ZNF638: variants seen among roughly 807,000 people sequenced by gnomAD.
ZNF638 encodes CTCL tumor antigen se33-1.
Under a neutral mutation model 195.6 loss-of-function variants are expected in ZNF638, and 46 were observed. The ratio of observed to expected loss-of-function variants is 0.24; its 90% CI spans 0.19 to 0.30. The LOEUF is 0.30. Ranked by LOEUF, ZNF638 falls within the 10% of genes least tolerant of loss-of-function variation. ZNF638 has a pLI of 1.00. For missense variants in ZNF638, 2,440 were observed against 2,325.3 expected (o/e 1.05, Z -1.01); for synonymous variants, 845 against 772.0 (o/e 1.09, Z -1.57).
At chr2:71,428,395 T>A (rs2080583112) in intron 24 of ZNF638, 152 bp from the exon 25 acceptor site, 1 of 513,940 alleles carries the variant, frequency 1.9e-6, no homozygotes, top group Admixed American at 3.5e-5. Context: ...AAAATAGAAT[T>A]CTTCTATTTT....
At chr2:71,406,771 G>A (rs757217894) in intron 19 of ZNF638, among the ~76,000 whole-genome samples, 1 of 151,998 alleles carries the variant, frequency 6.6e-6, no homozygotes. Flanking sequence ...AGGCTGAGGC[G>A]AGGGGATTGC....
Position 71,357,863 on chromosome 2 carries a change from T to C in ZNF638, c.1379+2083T>C, listed in dbSNP as rs114831182. 5.6e-3 allele frequency among the ~76,000 whole-genome samples: 855 copies of C among 151,420 alleles called. 6 individuals are homozygous for C. The highest frequency in any genetic ancestry group is 0.02 in the African/African-American group (812 of 41,178). On this transcript the variant is annotated intron_variant, in intron 3 of 27. Transcript: ENST00000264447. ...TCGATTTATTGTACTTCCCATAATT[T>C]GCCTTTTTTACAAATTGAAAGATTG...
chr2:71,365,088 A>G (rs1376971550), intron 5 of ZNF638, among the ~76,000 whole-genome samples: 1 of 152,240 alleles, frequency 6.6e-6, no homozygotes, highest in African/African-American at 2.4e-5. Flanking sequence ...CATTACTTTC[A>G]GTGGCAAAAA....
At chr2:71,379,711 G>T (rs368681951) in intron 8 of ZNF638, 2 of 152,142 alleles carry the variant, frequency 1.3e-5, no homozygotes, top group Admixed American at 1.3e-4. Context: ...CCGTATTCAC[G>T]TAAGTTTTAT....
Position 71,423,987 on chromosome 2 carries a change from G to A in ZNF638, c.4473G>A (p.Gln1491=), listed in dbSNP as rs1207604780. 3 of 1,614,050 alleles carry A rather than the reference G, an allele frequency of 1.9e-6. No individual in the cohort carries two copies. The highest frequency in any genetic ancestry group is 2.2e-5 in the South Asian group (2 of 91,074). The change falls in exon 22 of 28, where the codon CAG becomes CAA. Residue 1491 remains glutamine, a synonymous_variant. Transcript: ENST00000264447. ...LDYRDITKQS[Q]ETEARPSIMK... ...ACAGAGATATAACAAAACAATCTCAGGAAACAGAGGCTAGACCTTCCATCA... is the reference window on the plus strand; with the variant it reads ...ACAGAGATATAACAAAACAATCTCAAGAAACAGAGGCTAGACCTTCCATCA...
intron 10 of ZNF638, among the ~76,000 whole-genome samples, chr2:71,384,509 G>A (rs2079598351): frequency 6.6e-6 from 1 of 152,084 alleles, no homozygotes; most frequent in African/African-American, 2.4e-5. Flanking sequence ...CTTTATTTAT[G>A]CTGTCTATTT....
chr2:71,395,561 C>A, intron 10 of ZNF638: 1 of 601,964 alleles, frequency 1.7e-6, no homozygotes, highest in South Asian at 1.8e-5. Flanking sequence ...TTTTGCAGAC[C>A]TTTGATCATC....
chr2:71,396,648 T>G (rs1393000183), intron 11 of ZNF638, among the ~76,000 whole-genome samples: 5 of 152,160 alleles, frequency 3.3e-5, no homozygotes, highest in African/African-American at 1.2e-4. Context: ...AATCAATGTA[T>G]TAAATTATCT....
intron 8 of ZNF638, 34 bp downstream of exon 8, chr2:71,370,039 C>G (rs765127418): frequency 1.3e-6 from 2 of 1,578,598 alleles, no homozygotes; most frequent in Admixed American, 2.1e-5. Flanking sequence ...TGTTTTATCA[C>G]TGTTGTTTTA....
chr2:71,386,493 A>G (rs2079643150), intron 10 of ZNF638, among the ~76,000 whole-genome samples: 1 of 152,138 alleles, frequency 6.6e-6, no homozygotes, highest in Non-Finnish European at 1.5e-5. Flanking sequence ...TTCAGTTAAA[A>G]TAAATATTTT....
intron 8 of ZNF638, among the ~76,000 whole-genome samples, chr2:71,372,205 T>C (rs2079326856): frequency 6.6e-6 from 1 of 152,146 alleles, no homozygotes; most frequent in Admixed American, 6.6e-5. Flanking sequence ...GCCCCAGCCC[T>C]AAGAGTTGCC....
Position 71,423,193 on chromosome 2 carries a change from G to A in ZNF638, c.3679G>A (p.Asp1227Asn), listed in dbSNP as rs778731808. The A allele has an allele frequency of 1.2e-6, 2 of 1,614,148 alleles. No individual in the cohort carries two copies. Among genetic ancestry groups the A allele is most frequent in the Admixed American group, 1.7e-5 (1 of 60,012 alleles). ...INPKTALLPSDSVFAEERNLK... is the reference protein window; with the variant it reads ...INPKTALLPSNSVFAEERNLK... ...CCCTAAAACAGCATTGTTACCATCTGACAGTGTGTTTGCAGAAGAAAGGAA... is the reference window on the plus strand; with the variant it reads ...CCCTAAAACAGCATTGTTACCATCTAACAGTGTGTTTGCAGAAGAAAGGAA... The change falls in exon 22 of 28, where the codon GAC becomes AAC. Residue 1227 changes from aspartate to asparagine, a missense_variant. This residue lies in a region of ZNF638 where 1,883 missense variants were observed against 1,739.1 expected (regional missense o/e 1.08). Transcript: ENST00000264447.
chr2:71,400,252 G>C lies in ZNF638; in HGVS notation c.2656+72G>C, dbSNP rs560620233. The C allele has an allele frequency of 2.4e-6, 3 of 1,229,632 alleles. No individual in the cohort carries two copies. In the South Asian group the frequency reaches 4.3e-5, roughly 18 times the overall value. 76.2% of individuals were successfully genotyped at this position (1,229,632 alleles called of 1,614,324 possible). On this transcript the variant is annotated intron_variant, in intron 14 of 27. Coordinates refer to ENST00000264447, the MANE Select transcript of ZNF638 (RefSeq NM_014497.5). ...CAATGCCATACCTAAGTGAAATTAAGAGTATTACGATTCATGTCTTTATCT... is the reference window on the plus strand; with the variant it reads ...CAATGCCATACCTAAGTGAAATTAACAGTATTACGATTCATGTCTTTATCT...
Position 71,423,588 on chromosome 2 carries a change from A to T in ZNF638, c.4074A>T (p.Leu1358Phe), listed in dbSNP as rs1413188694. The T allele has an allele frequency of 3.1e-6, 5 of 1,614,116 alleles. No individual in the cohort carries two copies. Among genetic ancestry groups the T allele is most frequent in the Non-Finnish European group, 2.5e-6 (3 of 1,180,022 alleles). Residue 1358 changes from leucine to phenylalanine, a missense_variant, in exon 22 of 28, where the codon TTA becomes TTT. Transcript: ENST00000264447. ...AAGAAAAGCCTGCAGAAAACACTTT[A>T]TTCAAGGCATACCCAAATAAAGGAG... ...AMKEKPAENT[L>F]FKAYPNKGVG... is the part of the protein sequence containing the mutation.
At chr2:71,393,986 A>C (rs748323896) in intron 10 of ZNF638, among the ~76,000 whole-genome samples, 3 of 152,236 alleles carry the variant, frequency 2.0e-5, no homozygotes, top group Non-Finnish European at 4.4e-5. Flanking sequence ...TTCTTGTGCC[A>C]GTAGCCTCAA....
chr2:71,392,247 GT>G (rs1167573183), intron 10 of ZNF638, among the ~76,000 whole-genome samples: 4 of 152,110 alleles, frequency 2.6e-5, no homozygotes, highest in Non-Finnish European at 5.9e-5. Flanking sequence ...TACTCCTCTA[GT>G]TTTGCCAACA....
intron 25 of ZNF638, among the ~76,000 whole-genome samples, chr2:71,430,721 C>T (rs1052444421): frequency 2.0e-5 from 3 of 152,144 alleles, no homozygotes; most frequent in African/African-American, 7.2e-5. Context: ...TATTAGGCAA[C>T]AGTAAGGCAT....
chr2:71,359,609 A>G (rs552153951), intron 3 of ZNF638, among the ~76,000 whole-genome samples: 1 of 152,190 alleles, frequency 6.6e-6, no homozygotes, highest in African/African-American at 2.4e-5. Context: ...GCATCCCTCA[A>G]TCTAGTCAAG....
At position 71,426,814 on chromosome 2, in the gene ZNF638, A is replaced by G; in HGVS notation, c.4945A>G (p.Ile1649Val). The G allele has an allele frequency of 6.2e-7, 1 of 1,613,286 alleles. No individual in the cohort carries two copies. The highest frequency in any genetic ancestry group is 1.1e-5 in the South Asian group (1 of 90,972). The stretch of plus-strand genomic sequence containing the variant: ...TTCACTTTTTACATTAGATGAATTA[A>G]TTGACCAAGATGATTGCATTTCCCA... The part of the protein sequence containing the change: ...SNSLFTLDEL[I>V]DQDDCISHSE... The change falls in exon 24 of 28, where the codon ATT becomes GTT. Residue 1649 changes from isoleucine (I) to valine (V), a missense_variant. Physicochemically the swap from Ile to Val is conservative, Grantham distance 29 (BLOSUM62 3). Transcript: ENST00000264447.
Sources: gnomAD v4.1 joint callset for allele counts (sites outside exome capture counted in the v4.1 genomes callset) on GRCh38, gnomAD v4.1.1 for gene constraint, gnomAD v4.1.1 regional missense constraint, MANE v1.5 for transcripts, NCBI Gene and HGNC (gene_info 2026-07-23, HGNC 2026-07-21) for gene names.